Variants in MYRIP observed in about 807,000 individuals in gnomAD.
MYRIP encodes the protein rab effector MyRIP.
In MYRIP, 49 loss-of-function variants were observed where a neutral mutation model predicts 98.0. The ratio of observed to expected loss-of-function variants is 0.50; its 90% confidence interval spans 0.40 to 0.63. MYRIP has a LOEUF of 0.63. Ranked by LOEUF, MYRIP falls within the 30% of genes least tolerant of loss-of-function variation. The probability of loss-of-function intolerance (pLI) is 0.00; values close to 1 mark genes in which losing one functional copy is unlikely to be tolerated. For missense variants in MYRIP, 1,004 were observed against 1,058.2 expected, an observed-to-expected ratio of 0.95 and a Z score of 0.71; for synonymous variants, 404 against 409.5, an observed-to-expected ratio of 0.99 and a Z score of 0.16.
chr3:40,017,839 G>C (rs942106532), intron 2 of MYRIP, among the ~76,000 whole-genome samples: 1 of 151,856 alleles, frequency 6.6e-6, no homozygotes, highest in Non-Finnish European at 1.5e-5. Flanking sequence ...TTTCAGTTTA[G>C]CAGGTTAAAT....
chr3:40,212,445 T>C (rs991783408), intron 11 of MYRIP, among the ~76,000 whole-genome samples: 1 of 151,806 alleles, frequency 6.6e-6, no homozygotes, highest in Non-Finnish European at 1.5e-5. Flanking sequence ...CAGAAAAGTT[T>C]TGAGATATAT....
intron 3 of MYRIP, among the ~76,000 whole-genome samples, chr3:40,140,765 T>G (rs149211145): frequency 6.6e-6 from 1 of 152,326 alleles, no homozygotes; most frequent in East Asian, 1.9e-4. Context: ...TATGTCTTTT[T>G]TAAAATTTTT....
At chr3:40,193,900 CT>C (rs1951314124) in intron 10 of MYRIP, among the ~76,000 whole-genome samples, 1 of 151,728 alleles carries the variant, frequency 6.6e-6, no homozygotes, top group Non-Finnish European at 1.5e-5. Flanking sequence ...CTTTTTTTAT[CT>C]GTTATTTTAT....
At chr3:40,150,540 T>G (rs762009906) in intron 3 of MYRIP, among the ~76,000 whole-genome samples, 7 of 152,232 alleles carry the variant, frequency 4.6e-5, no homozygotes, top group Non-Finnish European at 1.0e-4. Flanking sequence ...AGAAATGTTG[T>G]TAATACAGTA....
At chr3:40,034,709 C>A (rs575432725) in intron 2 of MYRIP, among the ~76,000 whole-genome samples, 3 of 151,400 alleles carry the variant, frequency 2.0e-5, no homozygotes, top group South Asian at 2.1e-4. Context: ...TTGACCCAGC[C>A]ATCCCATTAC....
intron 2 of MYRIP, among the ~76,000 whole-genome samples, chr3:39,987,320 C>T (rs1448644252): frequency 1.3e-5 from 2 of 152,174 alleles, no homozygotes; most frequent in Admixed American, 6.5e-5. Context: ...ATCCATGTCC[C>T]TGCAAACGAC....
intron 1 of MYRIP, among the ~76,000 whole-genome samples, chr3:39,879,214 T>C (rs1943099033): frequency 6.6e-6 from 1 of 151,904 alleles, no homozygotes; most frequent in African/African-American, 2.4e-5. Context: ...TATCCTTTCT[T>C]ATTCTAACTT....
Position 40,218,374 on chromosome 3 carries a change from A to G in MYRIP, c.1905+8281A>G, listed in dbSNP as rs1952189225. Among the ~76,000 whole-genome samples the G allele has an allele frequency of 2.6e-5, 4 of 151,836 alleles. No individual in the cohort carries two copies. The South Asian group carries it at 8.3e-4, about 32-fold the overall frequency. On this transcript the variant is annotated intron_variant, in intron 11 of 16. Transcript: ENST00000302541. ...GGAGAAGGCAAAACTATAAGGACAA[A>G]ACACATATCAGTGGTTGCAAGAGAA...
At chr3:40,108,071 A>C (rs953426040) in intron 3 of MYRIP, among the ~76,000 whole-genome samples, 7 of 152,112 alleles carry the variant, frequency 4.6e-5, no homozygotes, top group African/African-American at 1.7e-4. Context: ...CAAGTGGGAG[A>C]CAGAAGGAAA....
intron 3 of MYRIP, among the ~76,000 whole-genome samples, chr3:40,133,860 C>T (rs1949701643): frequency 6.6e-6 from 1 of 152,198 alleles, no homozygotes; most frequent in Non-Finnish European, 1.5e-5. Flanking sequence ...TTCGACAACT[C>T]TCATGGGCCC....
intron 9 of MYRIP, among the ~76,000 whole-genome samples, chr3:40,186,821 C>T (rs948472425): frequency 2.0e-5 from 3 of 152,224 alleles, no homozygotes; most frequent in African/African-American, 7.2e-5. Context: ...CACTGAGAAC[C>T]TGAGCATTCC....
At chr3:40,168,576 T>G (rs540315123) in intron 7 of MYRIP, among the ~76,000 whole-genome samples, 21 of 152,346 alleles carry the variant, frequency 1.4e-4, no homozygotes, top group African/African-American at 5.1e-4. Context: ...CACAATTTAT[T>G]TATTGCTCAC....
At chr3:39,920,550 G>T (rs893164999) in intron 2 of MYRIP, among the ~76,000 whole-genome samples, 2 of 152,068 alleles carry the variant, frequency 1.3e-5, no homozygotes, top group African/African-American at 4.8e-5. Context: ...TACATTTTCT[G>T]TTTCCCTGCA....
chr3:39,894,714 G>A (rs978125051), intron 1 of MYRIP, among the ~76,000 whole-genome samples: 3 of 152,094 alleles, frequency 2.0e-5, no homozygotes, highest in African/African-American at 7.2e-5. Context: ...AACTTAACCT[G>A]TCCTGCTTTT....
At chr3:39,967,066 G>C (rs1160371433) in intron 2 of MYRIP, among the ~76,000 whole-genome samples, 2 of 152,172 alleles carry the variant, frequency 1.3e-5, no homozygotes, top group Non-Finnish European at 2.9e-5. Flanking sequence ...TTATCTGGCA[G>C]GGTTATTTAG....
intron 1 of MYRIP, among the ~76,000 whole-genome samples, chr3:39,879,444 T>C (rs1943104945): frequency 6.6e-6 from 1 of 151,986 alleles, no homozygotes; most frequent in Non-Finnish European, 1.5e-5. Context: ...GTGGAGGATA[T>C]AGTACAGAGA....
chr3:40,113,113 G>A (rs1269797173), intron 3 of MYRIP, among the ~76,000 whole-genome samples: 1 of 152,162 alleles, frequency 6.6e-6, no homozygotes, highest in Middle Eastern at 3.2e-3. Context: ...ATACAGGAAT[G>A]GGCCTTCAGA....
At chr3:39,977,940 TTATA>T (rs1945796119) in intron 2 of MYRIP, among the ~76,000 whole-genome samples, 1 of 152,284 alleles carries the variant, frequency 6.6e-6, no homozygotes, top group South Asian at 2.1e-4. Context: ...GGAGCCCCTA[TTATA>T]TATGTCTGAG....
At chr3:40,189,565 A>C (rs933848742) in intron 9 of MYRIP, among the ~76,000 whole-genome samples, 4 of 152,180 alleles carry the variant, frequency 2.6e-5, no homozygotes, top group Non-Finnish European at 4.4e-5. Context: ...GATGGTATCA[A>C]CCCTGGTAGA....
Sources: allele counts gnomAD v4.1 joint callset (sites outside exome capture counted in the v4.1 genomes callset), GRCh38; gene constraint gnomAD v4.1.1; transcripts MANE v1.5; gene names NCBI Gene and HGNC (gene_info 2026-07-23, HGNC 2026-07-21).